POFUT1: variants seen among roughly 807,000 people sequenced by gnomAD.
The protein encoded by POFUT1 is GDP-fucose protein O-fucosyltransferase 1.
POFUT1 carries 16 observed loss-of-function variants against 42.4 expected under a neutral mutation model. That is an observed-to-expected ratio of 0.38 (90% confidence interval 0.26 to 0.57). The LOEUF is 0.57. POFUT1 is among the 20% of genes least tolerant of loss of function. The probability of loss-of-function intolerance (pLI) is 0.71; values close to 1 mark genes in which losing one functional copy is unlikely to be tolerated. For synonymous variants in POFUT1, 206 were observed against 205.4 expected, an observed-to-expected ratio of 1.00 and a Z score of -0.03; for missense variants, 470 against 504.6, an observed-to-expected ratio of 0.93 and a Z score of 0.66.
At chr20:32,224,321 G>T (rs1452701838) in intron 4 of POFUT1, among the ~76,000 whole-genome samples, 1 of 150,742 alleles carries the variant, frequency 6.6e-6, no homozygotes, top group East Asian at 1.9e-4. Flanking sequence ...GAACCTGGGA[G>T]GCGGAGGTTG....
In POFUT1 at chr20:32,236,232, T is replaced by C. The variant is rs976135550; in HGVS notation, c.*1571T>C. 10 of 152,250 alleles carry C rather than the reference T, an allele frequency of 6.6e-5. No individual in the cohort carries two copies. Among genetic ancestry groups the C allele is most frequent in the African/African-American group, 2.4e-4 (10 of 41,466 alleles). The allele number at this position is 152,250 out of a possible 1,614,324, so 9.4% of individuals were successfully genotyped here. On this transcript the variant is annotated 3_prime_UTR_variant, in exon 7 of 7. Coordinates refer to ENST00000375749, the MANE Select transcript of POFUT1 (RefSeq NM_015352.2). Reference sequence around the variant, plus strand: ...CCGTACACTCCCTGCCACCACTAGGTTGTAAGCCTGTAGCTGGCTGGCTGA... The same window carrying C: ...CCGTACACTCCCTGCCACCACTAGGCTGTAAGCCTGTAGCTGGCTGGCTGA...
chr20:32,220,108 T>G (rs2047383594), intron 4 of POFUT1, among the ~76,000 whole-genome samples: 1 of 152,258 alleles, frequency 6.6e-6, no homozygotes, highest in Non-Finnish European at 1.5e-5. Flanking sequence ...ATATTTCATG[T>G]GGCAAGATTC....
chr20:32,226,766 T>A (rs746019866), intron 4 of POFUT1, among the ~76,000 whole-genome samples: 6 of 152,144 alleles, frequency 3.9e-5, no homozygotes, highest in Non-Finnish European at 8.8e-5. Context: ...TTGTTGCCTG[T>A]ATTGATACTG....
rs1033515071 is a variant in POFUT1, at chr20:32,230,905, A to G, written c.822A>G (p.Thr274=). The G allele has an allele frequency of 6.2e-7, 1 of 1,614,048 alleles. No homozygotes were observed. The highest frequency in any genetic ancestry group is 8.5e-7 in the Non-Finnish European group (1 of 1,180,034). ...SPQCVGYSRS[T]AAPLTMTMCL... is the part of the protein sequence containing the mutation. ...AGTGTGTGGGCTACAGCCGCAGCACAGCGGCCCCCCTCACGATGACTATGT... is the reference window on the plus strand; with the variant it reads ...AGTGTGTGGGCTACAGCCGCAGCACGGCGGCCCCCCTCACGATGACTATGT... Residue 274 remains threonine (T), a synonymous_variant, in exon 6 of 7, where the codon ACA becomes ACG. Coordinates refer to ENST00000375749, the MANE Select transcript of POFUT1 (RefSeq NM_015352.2).
intron 4 of POFUT1, 156 bp downstream of exon 4, chr20:32,216,877 T>C: frequency 2.7e-6 from 4 of 1,506,506 alleles, no homozygotes; most frequent in Non-Finnish European, 3.6e-6. Flanking sequence ...CTGTGTGATC[T>C]GTTCCCATGT....
rs2047462182 is a variant in POFUT1, at chr20:32,234,908, T to C, written c.*247T>C. 2.4e-6 allele frequency: 1 copy of C among 424,436 alleles called. No individual in the cohort carries two copies. Among genetic ancestry groups the C allele is most frequent in the African/African-American group, 2.0e-5 (1 of 49,840 alleles). The allele number at this position is 424,436 out of a possible 1,614,324, so 26.3% of individuals were successfully genotyped here. A position where few individuals can be genotyped will look rare whatever the true frequency, so the allele number is the denominator to read the frequency against. On this transcript the variant is annotated 3_prime_UTR_variant, in exon 7 of 7. Transcript: ENST00000375749. ...CGTGCTTTCTGCTCTTCTGGGAATT[T>C]CTCACACTGGCAAAGCAGTCCAGCC...
chr20:32,223,690 TC>T (rs2122586736), intron 4 of POFUT1: 2 of 985,352 alleles, frequency 2.0e-6, no homozygotes, highest in South Asian at 9.4e-5. Context: ...ATCGGGTCTT[TC>T]TGGTGAGGTC....
At chr20:32,221,495 T>G (rs1259086034) in intron 4 of POFUT1, among the ~76,000 whole-genome samples, 2 of 151,998 alleles carry the variant, frequency 1.3e-5, no homozygotes, top group African/African-American at 2.4e-5. Context: ...AGGTGATCGC[T>G]TGAGCCCAGG....
intron 4 of POFUT1, chr20:32,217,454 A>G (rs893996727): frequency 1.2e-5 from 12 of 1,002,792 alleles, no homozygotes; most frequent in Middle Eastern, 5.0e-4. Context: ...AATAGGGCAA[A>G]GGTAAACAGA....
chr20:32,234,195 G>T (rs1421605659), intron 6 of POFUT1, among the ~76,000 whole-genome samples: 1 of 152,212 alleles, frequency 6.6e-6, no homozygotes, highest in Non-Finnish European at 1.5e-5. Flanking sequence ...ATTTTAATGG[G>T]TGTTGAAGCA....
rs942327930 is a variant in POFUT1, at chr20:32,236,019, G to A, written c.*1358G>A. The A allele has an allele frequency of 2.0e-5, 3 of 152,226 alleles. No homozygotes were observed. The highest frequency in any genetic ancestry group is 7.2e-5 in the African/African-American group (3 of 41,456). 9.4% of individuals were successfully genotyped at this position (152,226 alleles called of 1,614,324 possible). On this transcript the variant is annotated 3_prime_UTR_variant, in exon 7 of 7. Coordinates refer to ENST00000375749, the MANE Select transcript of POFUT1 (RefSeq NM_015352.2). ...TGTATCAAAGATCTCAAACAGCAAA[G>A]TCAGCATTTGCTGTATAGAGCTGCC...
rs577007222 is a variant in POFUT1, at chr20:32,232,272, C to T, written c.978+1211C>T. Among the ~76,000 whole-genome samples, 13 of 151,934 alleles carry T rather than the reference C, an allele frequency of 8.6e-5. No individual in the cohort carries two copies. In the East Asian group the frequency reaches 2.5e-3, roughly 29 times the overall value. On this transcript the variant is annotated intron_variant, in intron 6 of 6. Coordinates refer to ENST00000375749, the MANE Select transcript of POFUT1 (RefSeq NM_015352.2). ...CTTGAGGCCAGAAGTTCGAGACCAG[C>T]CTGGCCTAACATAGCGAGACCCCCA...
At chr20:32,233,288 G>A (rs17123068) in intron 6 of POFUT1, among the ~76,000 whole-genome samples, 2,371 of 152,286 alleles carry the variant, frequency 0.016, 76 homozygotes, top group African/African-American at 0.053. Context: ...GCCAGGGAGC[G>A]CTTCCCCAAG....
At position 32,208,054 on chromosome 20, in the gene POFUT1, GC is replaced by G; in HGVS notation, c.117del (p.Cys40AlafsTer22). On this transcript the variant is annotated frameshift_variant, in exon 1 of 7. Transcript: ENST00000375749. LOFTEE classifies it high-confidence loss of function. ...SWDPAGYLLY[C>X]PCMGRFGNQA... ...GACCCGGCCGGTTACCTGCTCTACT[GC>G]CCCTGCATGGGTAAGGCCTCCCAAG... The G allele has an allele frequency of 6.4e-7, 1 of 1,559,078 alleles. No homozygotes were observed. The highest frequency in any genetic ancestry group is 8.6e-7 in the Non-Finnish European group (1 of 1,156,348).
intron 4 of POFUT1, 149 bp from the exon 5 acceptor site, chr20:32,228,114 A>ATTTCACAACCTCTCGTGT: frequency 3.6e-6 from 2 of 559,948 alleles, no homozygotes; most frequent in Non-Finnish European, 6.2e-6. Flanking sequence ...GCCCGTTGGT[A>ATTTCACAACCTCTCGTGT]TTTCACAACC....
At chr20:32,220,990 G>A (rs982645692) in intron 4 of POFUT1, among the ~76,000 whole-genome samples, 1 of 152,140 alleles carries the variant, frequency 6.6e-6, no homozygotes, top group African/African-American at 2.4e-5. Context: ...TCTGGAAACC[G>A]GCACAGTGTC....
At chr20:32,227,244 C>T (rs544348714) in intron 4 of POFUT1, among the ~76,000 whole-genome samples, 52 of 152,214 alleles carry the variant, frequency 3.4e-4, no homozygotes, top group African/African-American at 9.6e-4. Flanking sequence ...ATTGACCGGG[C>T]GCGGTGGCCC....
At position 32,228,321 on chromosome 20, in the gene POFUT1, G is replaced by A. The variant is rs189811657; in HGVS notation, c.601G>A (p.Val201Ile). The stretch of plus-strand genomic sequence containing the variant: ...GCCAGGAGCCCCAGCCCAGTTCCCC[G>A]TCCTAGAGGAACACAGGCCACTACA... ...ALPGAPAQFP[V>I]LEEHRPLQKY... The change falls in exon 5 of 7, where the codon GTC becomes ATC. Residue 201 changes from valine to isoleucine, a missense_variant. Transcript: ENST00000375749. 104 of 1,613,888 alleles carry A rather than the reference G, an allele frequency of 6.4e-5. No individual in the cohort carries two copies. The highest frequency in any genetic ancestry group is 3.3e-4 in the Middle Eastern group (2 of 6,062).
chr20:32,210,126 G>C lies in POFUT1; in HGVS notation c.180G>C (p.Leu60=). 1 of 1,614,136 alleles carries C rather than the reference G, an allele frequency of 6.2e-7. No homozygotes were observed. Among genetic ancestry groups the C allele is most frequent in the South Asian group, 1.1e-5 (1 of 91,084 alleles). The change falls in exon 2 of 7, where the codon CTG becomes CTC. Residue 60 remains leucine, a synonymous_variant. Coordinates refer to ENST00000375749, the MANE Select transcript of POFUT1 (RefSeq NM_015352.2). ...TGGGCTCTCTGGCATTTGCAAAGCT[G>C]CTAAACCGTACCTTGGCTGTCCCTC... ...HFLGSLAFAK[L]LNRTLAVPPW...
Sources: allele counts gnomAD v4.1 joint callset (sites outside exome capture counted in the v4.1 genomes callset), GRCh38; gene constraint gnomAD v4.1.1; transcripts MANE v1.5; gene names NCBI Gene and HGNC (gene_info 2026-07-23, HGNC 2026-07-21).